The following OCA2 variants were observed in gnomAD, a reference collection of about 807,000 sequenced individuals.
OCA2 encodes the protein OCA2 melanosomal transmembrane protein.
A neutral mutation model predicts 100.2 loss-of-function variants in OCA2; 77 were observed. That is an observed-to-expected ratio of 0.77 (90% CI 0.64 to 0.93). OCA2 has a LOEUF of 0.93. OCA2 is among the 40% of genes least tolerant of loss of function. The probability of loss-of-function intolerance (pLI) is 0.00; values close to 1 mark genes in which losing one functional copy is unlikely to be tolerated. For synonymous variants in OCA2, 432 were observed against 439.2 expected, an observed-to-expected ratio of 0.98 and a Z score of 0.21; for missense variants, 1,062 against 1,089.1, an observed-to-expected ratio of 0.98 and a Z score of 0.35.
rs368928996 is a variant in OCA2, at chr15:28,081,835, C to T, written c.40G>A (p.Ala14Thr). Residue 14 changes from alanine to threonine, a missense_variant, in exon 2 of 24, where the codon GCG (alanine) becomes ACG (threonine). Physicochemically the swap from Ala to Thr is moderately conservative, Grantham distance 58. Transcript: ENST00000354638. ...GTCTGCAGGAGCTCCACCGCCGGCG[C>T]GCCGGGGTACCGCCTGCCGTCTCTG... ...EGRDGRRYPG[A>T]PAVELLQTSV... The T allele has an allele frequency of 6.0e-5, 96 of 1,611,512 alleles. 1 individual carries two copies. Among genetic ancestry groups the T allele is most frequent in the Middle Eastern group, 5.0e-4 (3 of 6,058 alleles).
chr15:28,005,437 A>G (rs147222253), intron 9 of OCA2, among the ~76,000 whole-genome samples: 261 of 152,246 alleles, frequency 1.7e-3, no homozygotes, highest in African/African-American at 6.1e-3. Context: ...TGCAGGTAAG[A>G]CATCCAGCAG....
the OCA2 span, among the ~76,000 whole-genome samples, chr15:27,729,335 T>C: frequency 1.4e-5 from 2 of 147,434 alleles, no homozygotes; most frequent in South Asian, 4.4e-4. Flanking sequence ...CTCAAGGCAA[T>C]TGAGACTTTT....
At chr15:27,933,396 T>C (rs1331559442) in intron 18 of OCA2, among the ~76,000 whole-genome samples, 1 of 150,948 alleles carries the variant, frequency 6.6e-6, no homozygotes, top group Non-Finnish European at 1.5e-5. Context: ...AATGGAGTCA[T>C]TGCTTAATGA....
intron 19 of OCA2, among the ~76,000 whole-genome samples, chr15:27,907,452 C>A (rs2594911): frequency 0.63 from 96,244 of 151,820 alleles, 31,105 homozygotes; most frequent in East Asian, 0.96. Flanking sequence ...ATATCCAATT[C>A]TAAAAACTAG....
At chr15:27,861,233 TTGAGCAAC>T in intron 21 of OCA2, among the ~76,000 whole-genome samples, 1 of 152,122 alleles carries the variant, frequency 6.6e-6, no homozygotes, top group Non-Finnish European at 1.5e-5. Flanking sequence ...CCTCAGGGGC[TTGAGCAAC>T]TGAGAGAACG....
intron 23 of OCA2, among the ~76,000 whole-genome samples, chr15:27,789,635 A>C (rs2151121638): frequency 6.6e-6 from 1 of 152,318 alleles, no homozygotes; most frequent in Non-Finnish European, 1.5e-5. Context: ...CGCTTATCAA[A>C]GTCTACTCTG....
rs114298779 is a variant in OCA2 at position 28,017,723 on chromosome 15, G to A, written c.807+674C>T. Among the ~76,000 whole-genome samples, 1,217 of 152,282 alleles carry A rather than the reference G, an allele frequency of 8.0e-3. 18 individuals carry two copies. The highest frequency in any genetic ancestry group is 0.028 in the African/African-American group (1,145 of 41,552). On this transcript the variant is annotated intron_variant, in intron 7 of 23. Coordinates refer to ENST00000354638, the MANE Select transcript of OCA2 (RefSeq NM_000275.3). Reference sequence around the variant, plus strand: ...GTGACACAGCCTGTGCATGGGCGGGGTTTCCCTCTACTGGTTATAACAGGG... The same window carrying A: ...GTGACACAGCCTGTGCATGGGCGGGATTTCCCTCTACTGGTTATAACAGGG...
chr15:27,975,587 G>A (rs1438828656), intron 14 of OCA2, among the ~76,000 whole-genome samples: 1 of 151,614 alleles, frequency 6.6e-6, no homozygotes, highest in African/African-American at 2.4e-5. Context: ...TCAAAAATCA[G>A]TAGTTCACTT....
chr15:27,949,693 A>T (rs182104211), intron 18 of OCA2, among the ~76,000 whole-genome samples: 1,546 of 152,268 alleles, frequency 0.01, 27 homozygotes, highest in African/African-American at 0.035. Context: ...TGTTACATTT[A>T]AAAAAATTAA....
chr15:28,041,267 C>G (rs564380279), intron 2 of OCA2, among the ~76,000 whole-genome samples: 115 of 150,320 alleles, frequency 7.7e-4, no homozygotes, highest in African/African-American at 2.8e-3. Context: ...AAAACGTGAG[C>G]ATCTCAACTG....
At chr15:28,078,010 C>G (rs1219899674) in intron 2 of OCA2, among the ~76,000 whole-genome samples, 1 of 152,166 alleles carries the variant, frequency 6.6e-6, no homozygotes, top group Non-Finnish European at 1.5e-5. Context: ...ACCTGGGAGG[C>G]AGAGGTTGCA....
At chr15:27,973,161 T>C (rs773577886) in intron 14 of OCA2, among the ~76,000 whole-genome samples, 2 of 152,152 alleles carry the variant, frequency 1.3e-5, no homozygotes, top group Non-Finnish European at 2.9e-5. Flanking sequence ...TGAGCCACCA[T>C]GCCCAGTCTG....
chr15:28,012,737 C>T (rs1336786453), intron 9 of OCA2, among the ~76,000 whole-genome samples: 1 of 151,720 alleles, frequency 6.6e-6, no homozygotes, highest in East Asian at 1.9e-4. Flanking sequence ...AACAATTTTA[C>T]AAAAAAAGTG....
chr15:27,785,792 C>T lies in OCA2; in HGVS notation c.2433-30320G>A, dbSNP rs368410007. 1.1e-4 allele frequency among the ~76,000 whole-genome samples: 16 copies of T among 152,298 alleles called. No homozygotes were observed. The East Asian group carries it at 2.9e-3, about 28-fold the overall frequency. ...GGACTTGAACAGATCATTGTACACCCATGTTCCTTATGGCATTATTCATAA... is the reference window on the plus strand; with the variant it reads ...GGACTTGAACAGATCATTGTACACCTATGTTCCTTATGGCATTATTCATAA... On this transcript the variant is annotated intron_variant, in intron 23 of 23. Coordinates refer to ENST00000354638, the MANE Select transcript of OCA2 (RefSeq NM_000275.3).
At chr15:27,756,163 C>T (rs2030351037) in intron 23 of OCA2, among the ~76,000 whole-genome samples, 1 of 152,276 alleles carries the variant, frequency 6.6e-6, no homozygotes, top group Admixed American at 6.5e-5. Context: ...GTAATGCACG[C>T]TCTGTAGCCA....
intron 2 of OCA2, among the ~76,000 whole-genome samples, chr15:28,069,720 C>G (rs2044163625): frequency 1.4e-5 from 2 of 145,878 alleles, no homozygotes; most frequent in East Asian, 2.1e-4. Flanking sequence ...GGTGCCCAGG[C>G]TGGAGTGCAG....
At chr15:28,045,100 T>G (rs898183565) in intron 2 of OCA2, among the ~76,000 whole-genome samples, 1 of 152,222 alleles carries the variant, frequency 6.6e-6, no homozygotes. Context: ...TATTTGACAA[T>G]CTGTTCCTTG....
chr15:27,837,332 C>T (rs1054755074), intron 23 of OCA2, among the ~76,000 whole-genome samples: 1 of 152,208 alleles, frequency 6.6e-6, no homozygotes, highest in Non-Finnish European at 1.5e-5. Context: ...GACAGCCACC[C>T]AATGCCACAT....
At chr15:27,826,421 C>T (rs9806334) in intron 23 of OCA2, among the ~76,000 whole-genome samples, 76,717 of 151,902 alleles carry the variant, frequency 0.51, 19,979 homozygotes, top group South Asian at 0.76. Flanking sequence ...CGCAGAGGCA[C>T]GGCCCTCAAC....
Sources: allele counts gnomAD v4.1 joint callset (sites outside exome capture counted in the v4.1 genomes callset), GRCh38; gene constraint gnomAD v4.1.1; transcripts MANE v1.5; gene names NCBI Gene and HGNC (gene_info 2026-07-23, HGNC 2026-07-21).